Variants in SEC16A observed in about 807,000 individuals in gnomAD.
The protein encoded by SEC16A is SEC16 homolog A, endoplasmic reticulum export factor, also known as protein transport protein Sec16A.
Under a neutral mutation model 221.9 loss-of-function variants are expected in SEC16A, and 110 were observed. The ratio of observed to expected loss-of-function variants is 0.50; its 90% CI spans 0.42 to 0.58. The LOEUF (loss-of-function observed/expected upper bound fraction) is 0.58. SEC16A is among the 20% of genes least tolerant of loss of function. The pLI, the probability that SEC16A is intolerant of heterozygous loss-of-function variation, is 0.00. For missense variants in SEC16A, 3,165 were observed against 3,097.8 expected (o/e 1.02, Z -0.52); for synonymous variants, 1,393 against 1,257.7 (o/e 1.11, Z -2.28).
intron 22 of SEC16A, among the ~76,000 whole-genome samples, chr9:136,452,449 C>CA (rs752510860): frequency 0.082 from 1,901 of 23,258 alleles, 421 homozygotes; most frequent in Non-Finnish European, 0.093. Context: ...AACTCCATCT[C>CA]AAAAAAAAAA....
In SEC16A at chr9:136,466,893, C is replaced by A; in HGVS notation, c.3929+64G>T. ...CTTTGTTAAAACCCAGACATGAGGG[C>A]AGAGAAGCACTAGCGCGCCCTGGCT... is the stretch of plus-strand genomic sequence containing the variant. On this transcript the variant is annotated intron_variant, in intron 6 of 31. Transcript: ENST00000684901. The surrounding 1 kb of genome is among the most constrained non-coding windows in gnomAD (Gnocchi z 5.5). The A allele has an allele frequency of 6.5e-7, 1 of 1,547,202 alleles. No homozygotes were observed. The highest frequency in any genetic ancestry group is 8.7e-7 in the Non-Finnish European group (1 of 1,147,360).
intron 12 of SEC16A, among the ~76,000 whole-genome samples, chr9:136,461,751 G>A (rs937258534): frequency 2.0e-5 from 3 of 152,162 alleles, no homozygotes; most frequent in Admixed American, 1.3e-4. Context: ...AGTAGAGAAA[G>A]ATGTTAATAA....
At chr9:136,455,230 C>T (rs1016978436) in intron 20 of SEC16A, among the ~76,000 whole-genome samples, 3 of 152,136 alleles carry the variant, frequency 2.0e-5, no homozygotes, top group Admixed American at 6.5e-5. Flanking sequence ...CCGACGGGGC[C>T]GACTGGGAGA....
Position 136,474,167 on chromosome 9 carries a change from C to T in SEC16A, c.3449G>A (p.Gly1150Asp). 2 of 1,613,074 alleles carry T rather than the reference C, an allele frequency of 1.2e-6. No individual in the cohort carries two copies. Among genetic ancestry groups the T allele is most frequent in the Non-Finnish European group, 1.7e-6 (2 of 1,179,838 alleles). ...WPQPVPALAP[G>D]PPPQDLAAYY... ...GGCGGCCAGGTCCTGAGGCGGTGGGCCGGGGGCAAGTGCAGGCACTGGCTG... is the reference window on the plus strand; with the variant it reads ...GGCGGCCAGGTCCTGAGGCGGTGGGTCGGGGGCAAGTGCAGGCACTGGCTG... The change falls in exon 3 of 32, where the codon GGC (glycine) becomes GAC (aspartate). Residue 1150 changes from glycine to aspartate, a missense_variant. This residue lies in a region of SEC16A where 2,030 missense variants were observed against 1,923.1 expected (regional missense o/e 1.06). Coordinates refer to ENST00000684901, the MANE Select transcript of SEC16A (RefSeq NM_014866.2).
Position 136,476,695 on chromosome 9 carries a change from T to C in SEC16A, c.921A>G (p.Arg307=). The C allele has an allele frequency of 6.3e-7, 1 of 1,576,458 alleles. No homozygotes were observed. Among genetic ancestry groups the C allele is most frequent in the South Asian group, 1.2e-5 (1 of 85,850 alleles). ...CTGGGCTTGCCCAGTGATTCACAAT[T>C]CTGGGATTTTGCCTGAATGTACTTT... ...DPESTFRQNP[R]IVNHWASPEL... Residue 307 remains arginine, a synonymous_variant, in exon 3 of 32, where the codon AGA becomes AGG. Coordinates refer to ENST00000684901, the MANE Select transcript of SEC16A (RefSeq NM_014866.2).
chr9:136,445,148 A>C, intron 29 of SEC16A, 37 bp from the exon 30 acceptor site: 2 of 1,561,648 alleles, frequency 1.3e-6, no homozygotes, highest in Non-Finnish European at 1.7e-6. Flanking sequence ...AACACGGACG[A>C]AAGTCAACAT....
At chr9:136,484,729 C>T, upstream of SEC16A, 8 of 1,366,796 alleles carry the variant, frequency 5.9e-6, no homozygotes, top group Non-Finnish European at 7.8e-6. Flanking sequence ...GACGTGGCAC[C>T]AGGGCCAATC....
chr9:136,445,503 G>T (rs992247668), intron 29 of SEC16A, 142 bp downstream of exon 29: 1 of 683,344 alleles, frequency 1.5e-6, no homozygotes, highest in Non-Finnish European at 2.5e-6. Flanking sequence ...TTTTCCCCCA[G>T]GAACACCACC....
Position 136,441,971 on chromosome 9 carries a change from G to A in SEC16A, c.7006-148C>T. 5.8e-6 allele frequency: 4 copies of A among 692,274 alleles called. No homozygotes were observed. In the South Asian group the frequency reaches 6.8e-5, roughly 12 times the overall value. 42.9% of individuals were successfully genotyped at this position (692,274 alleles called of 1,614,324 possible). A position where few individuals can be genotyped will look rare whatever the true frequency, so the allele number is the denominator to read the frequency against. ...GAAGGCTTCGTTTTTGTTTCCAAAAGCCTCTGGAAACCGACAAGTCAGTGC... is the reference window on the plus strand; with the variant it reads ...GAAGGCTTCGTTTTTGTTTCCAAAAACCTCTGGAAACCGACAAGTCAGTGC... On this transcript the variant is annotated intron_variant, in intron 31 of 31. Coordinates refer to ENST00000684901, the MANE Select transcript of SEC16A (RefSeq NM_014866.2).
At chr9:136,449,568 A>G (rs1395336022) in intron 23 of SEC16A, among the ~76,000 whole-genome samples, 2 of 151,818 alleles carry the variant, frequency 1.3e-5, no homozygotes, top group African/African-American at 2.4e-5. Flanking sequence ...CTGGGGTGAC[A>G]GGCAGGAGCT....
At position 136,476,238 on chromosome 9, in the gene SEC16A, C is replaced by G. The variant is rs1259242275; in HGVS notation, c.1378G>C (p.Glu460Gln). 1 of 1,613,596 alleles carries G rather than the reference C, an allele frequency of 6.2e-7. No homozygotes were observed. Among genetic ancestry groups the G allele is most frequent in the Non-Finnish European group, 8.5e-7 (1 of 1,179,890 alleles). The change falls in exon 3 of 32, where the codon GAG (glutamate) becomes CAG (glutamine). Residue 460 changes from glutamate to glutamine, a missense_variant. By Grantham distance (29) the Glu-to-Gln change is conservative. Around this residue, in one of 3 missense-constraint regions of SEC16A, gnomAD observed 2,030 missense variants for 1,923.1 expected, o/e 1.06. Coordinates refer to ENST00000684901, the MANE Select transcript of SEC16A (RefSeq NM_014866.2). ...TGATTCTGAACAAATTCTAAGTTCT[C>G]AACATTCTCATACTGCGAGCCGCTG... ...DASGSQYENV[E>Q]NLEFVQNQEV...
Position 136,447,382 on chromosome 9 carries a change from G to A in SEC16A, c.6560-18C>T. The stretch of plus-strand genomic sequence containing the variant: ...GGTTCCTGCTGCAAAGGGGAGGGAA[G>A]CAAATTGAGGTGAACGCGCCAGGTG... On this transcript the variant is annotated intron_variant, in intron 26 of 31. Coordinates refer to ENST00000684901, the MANE Select transcript of SEC16A (RefSeq NM_014866.2). The surrounding 1 kb of genome is among the most constrained non-coding windows in gnomAD (Gnocchi z 5.5). The A allele has an allele frequency of 6.3e-7, 1 of 1,595,274 alleles. No individual in the cohort carries two copies. Among genetic ancestry groups the A allele is most frequent in the East Asian group, 2.3e-5 (1 of 44,094 alleles).
chr9:136,483,031 T>C lies in SEC16A; in HGVS notation c.-285A>G. Reference sequence around the variant, plus strand: ...GACACCTCAGCCGCCGCAGCCATCTTGGCACATCCGGCTCGGGTCTCCGCG... The same window carrying C: ...GACACCTCAGCCGCCGCAGCCATCTCGGCACATCCGGCTCGGGTCTCCGCG... On this transcript the variant is annotated 5_prime_UTR_variant, in exon 1 of 32. Transcript: ENST00000684901. 1 of 985,216 alleles carries C rather than the reference T, an allele frequency of 1.0e-6. No homozygotes were observed. The highest frequency in any genetic ancestry group is 1.2e-6 in the Non-Finnish European group (1 of 829,794). The allele number at this position is 985,216 out of a possible 1,614,324, so 61.0% of individuals were successfully genotyped here. A position where few individuals can be genotyped will look rare whatever the true frequency, so the allele number is the denominator to read the frequency against.
intron 23 of SEC16A, chr9:136,448,825 G>A: frequency 2.8e-6 from 2 of 714,518 alleles, no homozygotes; most frequent in Non-Finnish European, 2.6e-6. Context: ...GATGGAGGTG[G>A]GAAGCAGATC....
rs935715214 is a variant in SEC16A at position 136,467,015 on chromosome 9, A to G, written c.3871T>C (p.Tyr1291His). The G allele has an allele frequency of 6.2e-7, 1 of 1,613,470 alleles. No homozygotes were observed. Among genetic ancestry groups the G allele is most frequent in the African/African-American group, 1.3e-5 (1 of 74,918 alleles). Reference sequence around the variant, plus strand: ...GCGTCATACTCTGCATCACACCAATACCTCCGGTCATAGGTGCGGGGGTCC... The same window carrying G: ...GCGTCATACTCTGCATCACACCAATGCCTCCGGTCATAGGTGCGGGGGTCC... The part of the protein sequence containing the change: ...VRDPRTYDRR[Y>H]WCDAEYDAYR... Residue 1291 changes from tyrosine (Y) to histidine (H), a missense_variant, in exon 6 of 32, where the codon TAT becomes CAT. Coordinates refer to ENST00000684901, the MANE Select transcript of SEC16A (RefSeq NM_014866.2).
intron 18 of SEC16A, among the ~76,000 whole-genome samples, chr9:136,457,209 T>C (rs1838798000): frequency 6.6e-6 from 1 of 152,238 alleles, no homozygotes; most frequent in South Asian, 2.1e-4. Context: ...TAGTTCCTTC[T>C]GATTGTGAAA....
intron 28 of SEC16A, 145 bp downstream of exon 28, chr9:136,446,710 A>G (rs1837039567): frequency 1.3e-6 from 1 of 759,346 alleles, no homozygotes; most frequent in East Asian, 2.9e-5. Context: ...TTCCGTCTCT[A>G]CCATACATAA....
intron 1 of SEC16A, among the ~76,000 whole-genome samples, chr9:136,479,753 C>A (rs1018488728): frequency 6.6e-6 from 1 of 151,930 alleles, no homozygotes; most frequent in African/African-American, 2.4e-5. Flanking sequence ...GTGGCTCACA[C>A]CTGTAAGCCG....
chr9:136,442,837 G>A (rs1357680181), intron 31 of SEC16A, among the ~76,000 whole-genome samples: 1 of 152,252 alleles, frequency 6.6e-6, no homozygotes, highest in South Asian at 2.1e-4. Context: ...TAGGCCGGAG[G>A]AGAAAGGCAG....
Sources: gnomAD v4.1 joint callset for allele counts (sites outside exome capture counted in the v4.1 genomes callset) on GRCh38, gnomAD v4.1.1 for gene constraint, gnomAD v4.1.1 regional missense constraint, Gnocchi (gnomAD v3.1) non-coding constraint, MANE v1.5 for transcripts, NCBI Gene and HGNC (gene_info 2026-07-23, HGNC 2026-07-21) for gene names.